The following SPACA6 variants were observed in gnomAD, a reference collection of about 807,000 sequenced individuals.
SPACA6 encodes sperm acrosome membrane-associated protein 6.
For synonymous variants in SPACA6, 6 were observed against 1.5 expected, an observed-to-expected ratio of 4.05 and a Z score of -2.21; for missense variants, 8 against 2.8, an observed-to-expected ratio of 2.88 and a Z score of -1.34.
At chr19:51,700,463 C>T (rs1328662417) in intron 2 of SPACA6, among the ~76,000 whole-genome samples, 4 of 152,154 alleles carry the variant, frequency 2.6e-5, no homozygotes, top group African/African-American at 4.8e-5. Context: ...AAAAGAGATG[C>T]CAAACGTTTT....
chr19:51,709,630 AAG>A (rs1396333190), downstream of SPACA6, among the ~76,000 whole-genome samples: 3 of 150,148 alleles, frequency 2.0e-5, no homozygotes, highest in African/African-American at 2.4e-5. Context: ...AAAAAAAAAA[AAG>A]AAAAGAAATA....
chr19:51,690,357 C>A (rs1297940247), upstream of SPACA6, among the ~76,000 whole-genome samples: 1 of 152,126 alleles, frequency 6.6e-6, no homozygotes, highest in Non-Finnish European at 1.5e-5. Flanking sequence ...GAGCGCGGCC[C>A]CCAACCCTCT....
upstream of SPACA6, chr19:51,686,109 A>G (rs189443673): frequency 6.6e-6 from 1 of 152,340 alleles, no homozygotes; most frequent in Admixed American, 6.5e-5. Context: ...TGTATTTCAG[A>G]GAATGAAGGA....
chr19:51,690,960 C>G (rs907744250), upstream of SPACA6, among the ~76,000 whole-genome samples: 1 of 151,860 alleles, frequency 6.6e-6, no homozygotes, highest in Admixed American at 6.6e-5. Flanking sequence ...CCCACCTTGG[C>G]CTGACTCTCG....
upstream of SPACA6, among the ~76,000 whole-genome samples, chr19:51,692,010 T>A (rs2083377855): frequency 6.6e-6 from 1 of 152,082 alleles, no homozygotes; most frequent in South Asian, 2.1e-4. The surrounding 1 kb of genome is among the most constrained non-coding windows in gnomAD (Gnocchi z 5.6). Context: ...GGGAGAGGAC[T>A]GGTGCTCAGG....
At chr19:51,690,300 A>C (rs2083358640), upstream of SPACA6, among the ~76,000 whole-genome samples, 1 of 151,496 alleles carries the variant, frequency 6.6e-6, no homozygotes, top group Admixed American at 6.6e-5. Context: ...CCAGCCCCTA[A>C]CTCCTTCAAA....
upstream of SPACA6, among the ~76,000 whole-genome samples, chr19:51,691,167 C>T (rs539263192): frequency 2.7e-5 from 4 of 150,102 alleles, no homozygotes; most frequent in South Asian, 2.1e-4. Flanking sequence ...AGACCTGGCT[C>T]GAGCTGCGAG....
At chr19:51,702,945 A>G (rs971448489) in intron 4 of SPACA6, 76 bp from the exon 5 acceptor site, 2 of 399,038 alleles carry the variant, frequency 5.0e-6, no homozygotes, top group Non-Finnish European at 8.8e-6. Flanking sequence ...GGGAAGCTGC[A>G]TGGATCTCAA....
chr19:51,710,977 G>A (rs1331927835), intron 2 of SPACA6, among the ~76,000 whole-genome samples: 2 of 152,194 alleles, frequency 1.3e-5, no homozygotes, highest in Non-Finnish European at 2.9e-5. Context: ...CTACTTGGGA[G>A]GCTGAGGCAG....
At chr19:51,700,970 C>T (rs2083464186) in intron 2 of SPACA6, among the ~76,000 whole-genome samples, 1 of 152,048 alleles carries the variant, frequency 6.6e-6, no homozygotes, top group Non-Finnish European at 1.5e-5. Flanking sequence ...GCCTGTAACC[C>T]CAGCACTTTG....
At chr19:51,698,888 A>G (rs1429560602) in intron 2 of SPACA6, among the ~76,000 whole-genome samples, 1 of 150,634 alleles carries the variant, frequency 6.6e-6, no homozygotes, top group Non-Finnish European at 1.5e-5. Context: ...TTCAAGACTT[A>G]ATATCCCAGG....
chr19:51,692,515 G>A (rs1433023856), upstream of SPACA6: 1 of 437,246 alleles, frequency 2.3e-6, no homozygotes, highest in East Asian at 6.6e-5. The surrounding 1 kb of genome is among the most constrained non-coding windows in gnomAD (Gnocchi z 5.6). Flanking sequence ...GGGGATGAGA[G>A]CCTTGACTCC....
chr19:51,692,396 G>A (rs189307157), upstream of SPACA6, among the ~76,000 whole-genome samples: 83 of 152,150 alleles, frequency 5.5e-4, no homozygotes, highest in Non-Finnish European at 1.1e-3. This position sits in a 1 kb window ranked among gnomAD's most constrained non-coding sequence, Gnocchi z 5.6. Flanking sequence ...GGGAGGAAGG[G>A]GCTGAGTCCT....
chr19:51,693,099 T>C, upstream of SPACA6: 1 of 371,082 alleles, frequency 2.7e-6, no homozygotes, highest in South Asian at 2.2e-5. Flanking sequence ...CTCCCTCTTA[T>C]TCTGGCTTTC....
rs1313936983 is a variant in SPACA6, at chr19:51,704,087, G to C, written c.631G>C (p.Ala211Pro). Residue 211 changes from alanine (A) to proline (P), a missense_variant, in exon 7 of 9, where the codon GCG becomes CCG. Ala to Pro is a conservative substitution (Grantham distance 27). Transcript: ENST00000637797. ...TATGCCGCGGGCCGAAGGATACCTG[G>C]CGCGGATCCGGCCGGCTCAGCTCAC... Reference protein sequence around the residue: ...RDMPRAEGYLARIRPAQLTHR... With the variant: ...RDMPRAEGYLPRIRPAQLTHR... 2.5e-6 allele frequency: 1 copy of C among 401,248 alleles called. No homozygotes were observed. Among genetic ancestry groups the C allele is most frequent in the Non-Finnish European group, 4.4e-6 (1 of 226,254 alleles). 24.9% of individuals were successfully genotyped at this position (401,248 alleles called of 1,614,324 possible). A position where few individuals can be genotyped will look rare whatever the true frequency, so the allele number is the denominator to read the frequency against.
chr19:51,693,433 C>T lies in SPACA6; in HGVS notation c.-94C>T, dbSNP rs1277654423. On this transcript the variant is annotated 5_prime_UTR_variant, in exon 1 of 9. Transcript: ENST00000637797. ...CATGACATTTGACCACCAACTGAAA[C>T]CTGACCTCTGACCCCAGACCACTGG... The T allele has an allele frequency of 3.2e-6, 2 of 616,290 alleles. No individual in the cohort carries two copies. The highest frequency in any genetic ancestry group is 3.8e-5 in the South Asian group (2 of 53,232). 38.2% of individuals were successfully genotyped at this position (616,290 alleles called of 1,614,324 possible). A position where few individuals can be genotyped will look rare whatever the true frequency, so the allele number is the denominator to read the frequency against.
the SPACA6 span, among the ~76,000 whole-genome samples, chr19:51,683,278 A>C: frequency 6.6e-6 from 1 of 151,854 alleles, no homozygotes; most frequent in African/African-American, 2.4e-5. Flanking sequence ...ATCTTCAAAT[A>C]TCTCTCTCCT....
At chr19:51,689,383 G>A (rs1431911633), upstream of SPACA6, 3 of 150,922 alleles carry the variant, frequency 2.0e-5, no homozygotes, top group Admixed American at 1.3e-4. Context: ...CCGGACCGCA[G>A]AGCCGGGGAG....
At chr19:51,690,279 G>A (rs1301864624), upstream of SPACA6, among the ~76,000 whole-genome samples, 1 of 151,886 alleles carries the variant, frequency 6.6e-6, no homozygotes, top group Non-Finnish European at 1.5e-5. Context: ...TCAGACCAGG[G>A]AATCCACACT....
Sources: allele counts gnomAD v4.1 joint callset (sites outside exome capture counted in the v4.1 genomes callset), GRCh38; gene constraint gnomAD v4.1.1; non-coding constraint Gnocchi (gnomAD v3.1); transcripts MANE v1.5; gene names NCBI Gene and HGNC (gene_info 2026-07-23, HGNC 2026-07-21).